The following TTC7A variants were observed in gnomAD, a reference collection of about 807,000 sequenced individuals.
The protein encoded by TTC7A is tetratricopeptide repeat domain 7A, also known as tetratricopeptide repeat protein 7A.
TTC7A carries 110 observed loss-of-function variants against 103.7 expected under a neutral mutation model. That is an observed-to-expected ratio of 1.06 (90% CI 0.91 to 1.24). TTC7A has a LOEUF of 1.24. Ranked by LOEUF, TTC7A falls within the 50% of genes most tolerant of loss-of-function variation. The pLI, the probability that TTC7A is intolerant of heterozygous loss-of-function variation, is 0.00. For synonymous variants in TTC7A, 521 were observed against 467.9 expected (o/e 1.11, Z -1.47); for missense variants, 1,340 against 1,116.3 (o/e 1.20, Z -2.86).
chr2:46,945,643 G>C (rs1203311838), intron 1 of TTC7A, among the ~76,000 whole-genome samples: 6 of 152,164 alleles, frequency 3.9e-5, no homozygotes, highest in South Asian at 2.1e-4. Context: ...TTCCTGCCTT[G>C]ATCTCCCAAA....
At position 46,978,787 on chromosome 2, in the gene TTC7A, C is replaced by T; in HGVS notation, c.649-5C>T. 2 of 1,612,704 alleles carry T rather than the reference C, an allele frequency of 1.2e-6. No individual in the cohort carries two copies. The highest frequency in any genetic ancestry group is 1.1e-5 in the South Asian group (1 of 91,038). On this transcript the variant is annotated splice_region_variant and splice_polypyrimidine_tract_variant and intron_variant, in intron 4 of 19. Transcript: ENST00000319190. The stretch of plus-strand genomic sequence containing the variant: ...CAATGGCTCTCTCTCTGTTTCCCTT[C>T]CCAGACCACAAATAACAGCACGTCG...
At chr2:46,923,465 A>G (rs1007908578) in intron 2 of TTC7A, among the ~76,000 whole-genome samples, 1 of 152,238 alleles carries the variant, frequency 6.6e-6, no homozygotes, top group African/African-American at 2.4e-5. Context: ...AACAGGGTCA[A>G]AGACCAAATA....
intron 14 of TTC7A, among the ~76,000 whole-genome samples, chr2:47,024,730 G>A (rs950399655): frequency 6.6e-6 from 1 of 152,068 alleles, no homozygotes; most frequent in African/African-American, 2.4e-5. Flanking sequence ...TGGAGCTGTT[G>A]CATGTTGGGC....
intron 15 of TTC7A, among the ~76,000 whole-genome samples, chr2:47,041,314 G>A (rs142252873): frequency 6.3e-4 from 96 of 152,350 alleles, no homozygotes; most frequent in East Asian, 6.2e-3. Context: ...TGTGCCAGAC[G>A]CTGGGGGAGG....
intron 19 of TTC7A, among the ~76,000 whole-genome samples, chr2:47,069,126 C>G (rs1011667299): frequency 6.6e-6 from 1 of 152,060 alleles, no homozygotes; most frequent in African/African-American, 2.4e-5. Flanking sequence ...AGGCAGTGCT[C>G]CAGGATGGGT....
chr2:46,985,134 C>A (rs982741295), intron 5 of TTC7A, among the ~76,000 whole-genome samples: 1 of 152,076 alleles, frequency 6.6e-6, no homozygotes, highest in African/African-American at 2.4e-5. Context: ...TGACCGTCAC[C>A]CCCCAGAAAG....
At chr2:47,026,463 C>T (rs1213063527) in intron 14 of TTC7A, among the ~76,000 whole-genome samples, 5 of 152,166 alleles carry the variant, frequency 3.3e-5, no homozygotes, top group Non-Finnish European at 7.3e-5. Context: ...GGCTGGAGAC[C>T]AACACAGAAG....
intron 1 of TTC7A, among the ~76,000 whole-genome samples, chr2:46,946,961 G>A (rs1373169184): frequency 6.6e-6 from 1 of 152,120 alleles, no homozygotes; most frequent in Non-Finnish European, 1.5e-5. Flanking sequence ...TGAGTTGGGG[G>A]CTGAAAGGGG....
intron 3 of TTC7A, among the ~76,000 whole-genome samples, chr2:46,965,083 G>A (rs1253964948): frequency 1.3e-5 from 2 of 152,200 alleles, no homozygotes; most frequent in Admixed American, 6.5e-5. Flanking sequence ...AAAGTCAAAA[G>A]GTGAAATGCC....
intron 2 of TTC7A, among the ~76,000 whole-genome samples, chr2:46,926,768 C>T (rs1186369311): frequency 2.0e-5 from 3 of 152,318 alleles, no homozygotes; most frequent in South Asian, 2.1e-4. Flanking sequence ...ACAGTGTGAA[C>T]ACAAACTAGA....
At chr2:47,012,160 G>C (rs572329864) in intron 11 of TTC7A, among the ~76,000 whole-genome samples, 1 of 152,336 alleles carries the variant, frequency 6.6e-6, no homozygotes, top group South Asian at 2.1e-4. Flanking sequence ...GCTGCTCCAG[G>C]CCTATGGGGG....
At chr2:46,938,934 CT>C (rs1384582747), upstream of TTC7A, among the ~76,000 whole-genome samples, 1 of 151,304 alleles carries the variant, frequency 6.6e-6, no homozygotes, top group Non-Finnish European at 1.5e-5. Flanking sequence ...TTGCTTGAAC[CT>C]GGGAGGCGGA....
At position 47,048,553 on chromosome 2, in the gene TTC7A, A is replaced by T. The variant is rs377739240; in HGVS notation, c.1920-1396A>T. Among the ~76,000 whole-genome samples the T allele has an allele frequency of 5.3e-5, 8 of 152,228 alleles. No individual in the cohort carries two copies. The East Asian group carries it at 9.6e-4, about 18-fold the overall frequency. ...AGCATTGCCAAGGGTCACAAAGCTG[A>T]GAAAGGTGGCCCATGATTCCAGCCT... is the stretch of plus-strand genomic sequence containing the variant. On this transcript the variant is annotated intron_variant, in intron 16 of 19. Transcript: ENST00000319190.
chr2:47,015,555 C>T (rs1224658957), intron 11 of TTC7A, among the ~76,000 whole-genome samples: 2 of 152,126 alleles, frequency 1.3e-5, no homozygotes, highest in African/African-American at 4.8e-5. Context: ...AGTAATTTAC[C>T]CTGTCTGTGC....
intron 4 of TTC7A, among the ~76,000 whole-genome samples, chr2:46,977,386 C>T (rs1480510370): frequency 6.6e-6 from 1 of 152,182 alleles, no homozygotes; most frequent in Non-Finnish European, 1.5e-5. Context: ...GTGGATGCCT[C>T]ATTGATTTTT....
rs79664832 is a variant in TTC7A at position 47,006,993 on chromosome 2, C to T, written c.1287+269C>T. On this transcript the variant is annotated intron_variant, in intron 10 of 19. Coordinates refer to ENST00000319190, the MANE Select transcript of TTC7A (RefSeq NM_020458.4). ...CGTACATGCATGGGAGCACTGTATC[C>T]TCTGTGCTGAAGAGCTAATAATGTG... Among the ~76,000 whole-genome samples, 296 of 152,258 alleles carry T rather than the reference C, an allele frequency of 1.9e-3. 1 individual carries two copies. Among genetic ancestry groups the T allele is most frequent in the Non-Finnish European group, 3.4e-3 (234 of 68,012 alleles).
chr2:47,002,546 G>A (rs1676929769), intron 8 of TTC7A, among the ~76,000 whole-genome samples: 1 of 149,792 alleles, frequency 6.7e-6, no homozygotes, highest in South Asian at 2.1e-4. Flanking sequence ...GAGCATGGGG[G>A]TACACCATGT....
At chr2:47,000,038 T>C in intron 8 of TTC7A, 1 of 344,798 alleles carries the variant, frequency 2.9e-6, no homozygotes, top group African/African-American at 2.2e-5. Context: ...GCCTCGGTTT[T>C]CTCATCTGTA....
At chr2:46,970,839 C>T (rs1233843075) in intron 3 of TTC7A, among the ~76,000 whole-genome samples, 1 of 152,186 alleles carries the variant, frequency 6.6e-6, no homozygotes, top group Admixed American at 6.5e-5. Context: ...ATTTGGCAGT[C>T]GTTGACACCC....
Sources: gnomAD v4.1 joint callset for allele counts (sites outside exome capture counted in the v4.1 genomes callset) on GRCh38, gnomAD v4.1.1 for gene constraint, MANE v1.5 for transcripts, NCBI Gene and HGNC (gene_info 2026-07-23, HGNC 2026-07-21) for gene names.